Variants in EHBP1 observed in about 807,000 individuals in gnomAD.
EHBP1 encodes the protein EH domain binding protein 1.
In EHBP1, 55 loss-of-function variants were observed where a neutral mutation model predicts 144.0. The ratio of observed to expected loss-of-function variants is 0.38; its 90% CI spans 0.31 to 0.48. EHBP1 has a LOEUF of 0.48. Ranked by LOEUF, EHBP1 falls within the 20% of genes least tolerant of loss-of-function variation. The pLI is 0.98. For missense variants in EHBP1, 1,200 were observed against 1,364.2 expected, an observed-to-expected ratio of 0.88 and a Z score of 1.90; for synonymous variants, 469 against 472.7, an observed-to-expected ratio of 0.99 and a Z score of 0.10.
chr2:62,946,833 T>C (rs1428132895), intron 12 of EHBP1, among the ~76,000 whole-genome samples: 1 of 152,140 alleles, frequency 6.6e-6, no homozygotes, highest in Admixed American at 6.5e-5. Context: ...GTGTAATTAG[T>C]GTACATAAAA....
At position 63,030,395 on chromosome 2, in the gene EHBP1, C is replaced by CTA. The variant is rs749844821; in HGVS notation, c.3104-7127_3104-7126dup. Among the ~76,000 whole-genome samples, 772 of 149,512 alleles carry CTA rather than the reference C, an allele frequency of 5.2e-3. 7 individuals are homozygous for CTA. The highest frequency in any genetic ancestry group is 7.7e-3 in the Non-Finnish European group (519 of 67,264). On this transcript the variant is annotated intron_variant, in intron 19 of 22. Coordinates refer to ENST00000431489, the MANE Select transcript of EHBP1 (RefSeq NM_001142616.3). ...TATAAATATCTGTTTTAATATTTAGCTATATATATATATACACACACACAC... is the reference window on the plus strand; with the variant it reads ...TATAAATATCTGTTTTAATATTTAGCTATATATATATATATACACACACACAC...
intron 2 of EHBP1, among the ~76,000 whole-genome samples, chr2:62,744,219 G>A (rs924088012): frequency 9.9e-5 from 15 of 152,056 alleles, no homozygotes; most frequent in Admixed American, 8.5e-4. Context: ...TAACTAAACT[G>A]AAGTGATGGG....
At position 62,996,702 on chromosome 2, in the gene EHBP1, G is replaced by A; in HGVS notation, c.3039G>A (p.Glu1013=). 1 of 1,613,374 alleles carries A rather than the reference G, an allele frequency of 6.2e-7. No individual in the cohort carries two copies. The highest frequency in any genetic ancestry group is 8.5e-7 in the Non-Finnish European group (1 of 1,179,630). Residue 1013 remains glutamate (E), a synonymous_variant, in exon 19 of 23, where the codon GAG becomes GAA. Transcript: ENST00000431489. ...GAGAATTGGCAGCACTAGAGAATGA[G>A]CAAAAGCAAATTGACACCCGTGCCG... ...VVGELAALEN[E]QKQIDTRAAL... is the part of the protein sequence containing the mutation.
chr2:63,043,920 C>CT lies in EHBP1; in HGVS notation c.3278-1095dup, dbSNP rs70962802. 2 of 9,384 alleles carry CT rather than the reference C, an allele frequency of 2.1e-4. 1 individual carries two copies. Among genetic ancestry groups the CT allele is most frequent in the Non-Finnish European group, 4.1e-4 (2 of 4,884 alleles). The allele number at this position is 9,384 out of a possible 1,614,324, so 0.6% of individuals were successfully genotyped here. The stretch of plus-strand genomic sequence containing the variant: ...GCTGCAGGAGTCAGTGGCCATGGTT[C>CT]TTTTTTTTTTTTTTTTTTTTTTTTT... On this transcript the variant is annotated intron_variant, in intron 21 of 22. Coordinates refer to ENST00000431489, the MANE Select transcript of EHBP1 (RefSeq NM_001142616.3).
At position 62,922,841 on chromosome 2, in the gene EHBP1, ACTT is replaced by A. The variant is rs1413289526; in HGVS notation, c.1186-19873_1186-19871del. Among the ~76,000 whole-genome samples, 8 of 152,276 alleles carry A rather than the reference ACTT, an allele frequency of 5.3e-5. No homozygotes were observed. In the East Asian group the frequency reaches 1.4e-3, roughly 26 times the overall value. ...TTAATCAACCTGGAGTCAGGAGAGAACTTCTTGTTGTGGGTAACAGGTAAGCAG... is the reference window on the plus strand; with the variant it reads ...TTAATCAACCTGGAGTCAGGAGAGAACTTGTTGTGGGTAACAGGTAAGCAG... On this transcript the variant is annotated intron_variant, in intron 10 of 22. Coordinates refer to ENST00000431489, the MANE Select transcript of EHBP1 (RefSeq NM_001142616.3).
At chr2:62,943,376 CAAAAAAAAAAA>C (rs11306610) in intron 11 of EHBP1, among the ~76,000 whole-genome samples, 1 of 87,858 alleles carries the variant, frequency 1.1e-5, no homozygotes, top group Non-Finnish European at 2.1e-5. Flanking sequence ...AACTCCGTCT[CAAAAAAAAAAA>C]AAAAAAAAAA....
At chr2:62,706,391 C>T (rs1024340075) in intron 1 of EHBP1, 1 of 152,332 alleles carries the variant, frequency 6.6e-6, no homozygotes, top group African/African-American at 2.4e-5. Flanking sequence ...GGAGATTTCC[C>T]TCCACTCCTC....
At chr2:62,728,150 C>T (rs551572033) in intron 2 of EHBP1, among the ~76,000 whole-genome samples, 6 of 152,252 alleles carry the variant, frequency 3.9e-5, no homozygotes, top group African/African-American at 1.2e-4. Flanking sequence ...TCCACAACCT[C>T]GGTTTGATAT....
chr2:62,798,752 C>A (rs927546814), intron 5 of EHBP1, among the ~76,000 whole-genome samples: 1 of 151,894 alleles, frequency 6.6e-6, no homozygotes, highest in Non-Finnish European at 1.5e-5. Flanking sequence ...AGCCTGTAAT[C>A]CCAGCACTTT....
chr2:62,981,684 G>A (rs2153202770), intron 15 of EHBP1, among the ~76,000 whole-genome samples: 1 of 152,276 alleles, frequency 6.6e-6, no homozygotes, highest in Non-Finnish European at 1.5e-5. Flanking sequence ...CTGGTAATGA[G>A]GGACAGTAAA....
At chr2:62,942,290 G>C (rs1342219250) in intron 10 of EHBP1, among the ~76,000 whole-genome samples, 1 of 152,012 alleles carries the variant, frequency 6.6e-6, no homozygotes, top group East Asian at 1.9e-4. Flanking sequence ...TCTTTCCACT[G>C]TTAAAAATTT....
At chr2:62,819,773 A>C (rs1299161798) in intron 5 of EHBP1, among the ~76,000 whole-genome samples, 1 of 150,256 alleles carries the variant, frequency 6.7e-6, no homozygotes, top group African/African-American at 2.4e-5. Flanking sequence ...CAAAAAAACA[A>C]AAAAAAAAAA....
In EHBP1 at chr2:62,837,737, CAAAG is replaced by C. The variant is rs1215829678; in HGVS notation, c.634+6582_634+6585del. Among the ~76,000 whole-genome samples the C allele has an allele frequency of 1.2e-4, 18 of 151,614 alleles. 1 individual carries two copies. Among genetic ancestry groups the C allele is most frequent in the South Asian group, 1.0e-3 (5 of 4,770 alleles). On this transcript the variant is annotated intron_variant, in intron 7 of 22. Transcript: ENST00000431489. Reference sequence around the variant, plus strand: ...TTAAACCAACAAAGATCAAAAGAGACAAAGAAGGCCATTACATAATGGTAAAGGG... The same window carrying C: ...TTAAACCAACAAAGATCAAAAGAGACAAGGCCATTACATAATGGTAAAGGG...
chr2:62,859,143 G>T (rs375599379), intron 7 of EHBP1, 26 bp from the exon 8 acceptor site: 1 of 1,595,760 alleles, frequency 6.3e-7, no homozygotes, highest in African/African-American at 1.3e-5. Context: ...CCATAATAGG[G>T]AACTAACCCA....
intron 2 of EHBP1, among the ~76,000 whole-genome samples, chr2:62,737,116 A>G (rs939572615): frequency 2.4e-4 from 37 of 152,134 alleles, no homozygotes; most frequent in African/African-American, 8.2e-4. Context: ...CTGGAGTTGG[A>G]TATTTTCCTT....
intron 4 of EHBP1, among the ~76,000 whole-genome samples, chr2:62,769,691 T>C (rs1369723837): frequency 6.7e-6 from 1 of 149,592 alleles, no homozygotes; most frequent in East Asian, 2.0e-4. Flanking sequence ...AAAGTCTGAA[T>C]AGCCAAGGCA....
chr2:62,885,397 T>TA (rs2051839415), intron 10 of EHBP1, among the ~76,000 whole-genome samples: 1 of 152,038 alleles, frequency 6.6e-6, no homozygotes, highest in Admixed American at 6.6e-5. Context: ...ACAATATTTT[T>TA]AAAAAAACAG....
chr2:62,850,976 A>G (rs2048656129), intron 7 of EHBP1, among the ~76,000 whole-genome samples: 1 of 152,218 alleles, frequency 6.6e-6, no homozygotes. Flanking sequence ...CTAATAGCCC[A>G]GTCTCAGTTG....
rs1211513742 is a variant in EHBP1 at position 62,948,612 on chromosome 2, C to G, written c.1766C>G (p.Ser589Ter). 6.2e-7 allele frequency: 1 copy of G among 1,613,814 alleles called. No homozygotes were observed. The highest frequency in any genetic ancestry group is 8.5e-7 in the Non-Finnish European group (1 of 1,180,000). ...GTAAATGATAGCGGGGTTGGAGAGTCAGAAAGTGAGCATCAAACTCCTGAT... is the reference window on the plus strand; with the variant it reads ...GTAAATGATAGCGGGGTTGGAGAGTGAGAAAGTGAGCATCAAACTCCTGAT... ...VFVNDSGVGE[S>*]ESEHQTPDDH... Residue 589 changes from serine (S) to a stop codon, truncating the protein, a stop_gained, in exon 13 of 23, where the codon TCA (serine) becomes TGA (stop). Transcript: ENST00000431489. LOFTEE classifies it high-confidence loss of function.
Sources: gnomAD v4.1 joint callset for allele counts (sites outside exome capture counted in the v4.1 genomes callset) on GRCh38, gnomAD v4.1.1 for gene constraint, MANE v1.5 for transcripts, NCBI Gene and HGNC (gene_info 2026-07-23, HGNC 2026-07-21) for gene names.